The following AGMO variants were observed in gnomAD, a reference collection of about 807,000 sequenced individuals.
AGMO encodes the protein alkylglycerol monooxygenase.
AGMO carries 75 observed loss-of-function variants against 60.2 expected under a neutral mutation model. The ratio of observed to expected loss-of-function variants is 1.25; its 90% CI spans 1.03 to 1.51. The LOEUF (loss-of-function observed/expected upper bound fraction) is 1.51. AGMO is among the 40% of genes most tolerant of loss of function. AGMO has a pLI of 0.00. For missense variants in AGMO, 763 were observed against 525.5 expected, an observed-to-expected ratio of 1.45 and a Z score of -4.42; for synonymous variants, 261 against 177.1, an observed-to-expected ratio of 1.47 and a Z score of -3.76.
rs1268403019 is a variant in AGMO, at chr7:15,200,730, T to A, written c.*555A>T. The A allele has an allele frequency of 9.2e-5, 14 of 152,332 alleles. No homozygotes were observed. The highest frequency in any genetic ancestry group is 8.5e-4 in the Admixed American group (13 of 15,272). 9.4% of individuals were successfully genotyped at this position (152,332 alleles called of 1,614,324 possible). A position where few individuals can be genotyped will look rare whatever the true frequency, so the allele number is the denominator to read the frequency against. On this transcript the variant is annotated 3_prime_UTR_variant, in exon 13 of 13. Coordinates refer to ENST00000342526, the MANE Select transcript of AGMO (RefSeq NM_001004320.2). ...GGATGGTCTCTATCTCTGGACCTCA[T>A]GATCCGCCCACCTCAGCCCCACAAA...
intron 3 of AGMO, among the ~76,000 whole-genome samples, chr7:15,531,675 G>T (rs1784370173): frequency 7.2e-6 from 1 of 138,676 alleles, no homozygotes; most frequent in South Asian, 2.2e-4. Flanking sequence ...TTTTTAGAGG[G>T]AGTCTCACTC....
At chr7:15,517,137 T>C (rs1163801142) in intron 3 of AGMO, among the ~76,000 whole-genome samples, 1 of 152,110 alleles carries the variant, frequency 6.6e-6, no homozygotes, top group Non-Finnish European at 1.5e-5. Context: ...AAAGTGTGTA[T>C]TGTGCATCTA....
chr7:15,151,569 A>G, the AGMO span, among the ~76,000 whole-genome samples: 1 of 152,160 alleles, frequency 6.6e-6, no homozygotes, highest in Non-Finnish European at 1.5e-5. Context: ...TTTATGCAAA[A>G]GTAATTCAGA....
At chr7:15,342,704 G>C (rs1387923085) in intron 12 of AGMO, among the ~76,000 whole-genome samples, 1 of 135,674 alleles carries the variant, frequency 7.4e-6, no homozygotes, top group Non-Finnish European at 1.5e-5. Flanking sequence ...TTTAGAAAAG[G>C]AACTGTCATC....
At chr7:15,471,433 G>C (rs1055462010) in intron 3 of AGMO, among the ~76,000 whole-genome samples, 2 of 151,814 alleles carry the variant, frequency 1.3e-5, no homozygotes, top group African/African-American at 4.8e-5. Flanking sequence ...CTATAAAAAT[G>C]AGATCATTAC....
At position 15,494,039 on chromosome 7, in the gene AGMO, T is replaced by C. The variant is rs78906483; in HGVS notation, c.409+50733A>G. Among the ~76,000 whole-genome samples, 43 of 152,330 alleles carry C rather than the reference T, an allele frequency of 2.8e-4. No homozygotes were observed. The East Asian group carries it at 7.3e-3, about 26-fold the overall frequency. ...CTATTAGTTCTTTTTAAATTTAATG[T>C]ATATTTCTTATTTCCTCCTTGACAC... On this transcript the variant is annotated intron_variant, in intron 3 of 12. Transcript: ENST00000342526.
chr7:15,302,639 AGGT>A (rs1780478852), intron 12 of AGMO, among the ~76,000 whole-genome samples: 1 of 152,180 alleles, frequency 6.6e-6, no homozygotes, highest in Non-Finnish European at 1.5e-5. Context: ...GTTACAAAGC[AGGT>A]ATTTATTTTC....
intron 12 of AGMO, among the ~76,000 whole-genome samples, chr7:15,219,979 T>G (rs1781867479): frequency 6.6e-6 from 1 of 152,088 alleles, no homozygotes; most frequent in Non-Finnish European, 1.5e-5. Context: ...TCATACTCAC[T>G]TCCTCTAATT....
At chr7:15,330,109 TAA>T (rs922488964) in intron 12 of AGMO, among the ~76,000 whole-genome samples, 1 of 152,188 alleles carries the variant, frequency 6.6e-6, no homozygotes, top group Admixed American at 6.6e-5. Context: ...AATGATTTCT[TAA>T]AAGTTTTTGA....
Position 15,354,425 on chromosome 7 carries a change from C to T in AGMO, c.1263+11089G>A, listed in dbSNP as rs1250556597. On this transcript the variant is annotated intron_variant, in intron 12 of 12. Coordinates refer to ENST00000342526, the MANE Select transcript of AGMO (RefSeq NM_001004320.2). ...GTGTGTACACACGTGTGTGTATACA[C>T]ACACGTGTGTGTATACACACGTGTG... is the stretch of plus-strand genomic sequence containing the variant. 7.2e-3 allele frequency among the ~76,000 whole-genome samples: 166 copies of T among 23,168 alleles called. 16 individuals carry two copies. Among genetic ancestry groups the T allele is most frequent in the African/African-American group, 0.058 (155 of 2,688 alleles). 15.2% of individuals were successfully genotyped at this position (23,168 alleles called of 152,430 possible). A position where few individuals can be genotyped will look rare whatever the true frequency, so the allele number is the denominator to read the frequency against.
intron 12 of AGMO, among the ~76,000 whole-genome samples, chr7:15,261,586 G>A (rs1783271816): frequency 6.6e-6 from 1 of 151,794 alleles, no homozygotes; most frequent in Admixed American, 6.6e-5. Flanking sequence ...TCAAATAATT[G>A]GTACCAATCC....
chr7:15,213,032 T>A (rs764581829), intron 12 of AGMO, among the ~76,000 whole-genome samples: 2 of 152,026 alleles, frequency 1.3e-5, no homozygotes, highest in Admixed American at 6.6e-5. Context: ...ATTGAAAATG[T>A]ATCATCGAAG....
At chr7:15,195,596 C>A (rs1303677982), downstream of AGMO, among the ~76,000 whole-genome samples, 3 of 152,202 alleles carry the variant, frequency 2.0e-5, no homozygotes, top group Non-Finnish European at 2.9e-5. Flanking sequence ...GAACATGGAA[C>A]CACCGTTTTG....
chr7:15,561,796 C>G lies in AGMO; in HGVS notation c.50G>C (p.Arg17Pro). 1.2e-6 allele frequency: 2 copies of G among 1,610,170 alleles called. No homozygotes were observed. The highest frequency in any genetic ancestry group is 2.2e-5 in the East Asian group (1 of 44,722). ...QQDVSVSQGF[R>P]MLFYTMKPSE... ...GGGTTTCATCGTGTAAAACAACATG[C>G]GAAATCCCTGGGAAACTGAAACATC... The change falls in exon 1 of 13, where the codon CGC becomes CCC. Residue 17 changes from arginine to proline, a missense_variant. Coordinates refer to ENST00000342526, the MANE Select transcript of AGMO (RefSeq NM_001004320.2).
chr7:15,423,259 C>T (rs1780972305), intron 4 of AGMO, among the ~76,000 whole-genome samples: 1 of 152,106 alleles, frequency 6.6e-6, no homozygotes, highest in Non-Finnish European at 1.5e-5. Context: ...GTGCCACATT[C>T]CTTAAGTCTA....
chr7:15,488,648 C>T (rs1372654972), intron 3 of AGMO, among the ~76,000 whole-genome samples: 3 of 152,058 alleles, frequency 2.0e-5, no homozygotes, highest in Admixed American at 2.0e-4. Context: ...CGACAAAGTA[C>T]TTAATAGTGC....
At chr7:15,132,648 T>A in the AGMO span, among the ~76,000 whole-genome samples, 1 of 152,130 alleles carries the variant, frequency 6.6e-6, no homozygotes, top group East Asian at 1.9e-4. Flanking sequence ...ACTTGTGACA[T>A]CAATTTAAAA....
In AGMO at chr7:15,387,837, G is replaced by A. The variant is rs910301026; in HGVS notation, c.823-297C>T. The stretch of plus-strand genomic sequence containing the variant: ...AAAGTAGGAAAAAAATGAGTTAAGA[G>A]GCTTTGCTTCCAATGGAATTAACTA... On this transcript the variant is annotated intron_variant, in intron 8 of 12. Coordinates refer to ENST00000342526, the MANE Select transcript of AGMO (RefSeq NM_001004320.2). 2.6e-5 allele frequency among the ~76,000 whole-genome samples: 4 copies of A among 151,884 alleles called. No individual in the cohort carries two copies. The South Asian group carries it at 8.3e-4, about 32-fold the overall frequency.
At chr7:15,344,116 T>G (rs1781951263) in intron 12 of AGMO, among the ~76,000 whole-genome samples, 1 of 152,198 alleles carries the variant, frequency 6.6e-6, no homozygotes, top group Non-Finnish European at 1.5e-5. Flanking sequence ...ATTTCTTGAT[T>G]ACTCATTTAG....
Sources: allele counts gnomAD v4.1 joint callset (sites outside exome capture counted in the v4.1 genomes callset), GRCh38; gene constraint gnomAD v4.1.1; transcripts MANE v1.5; gene names NCBI Gene and HGNC (gene_info 2026-07-23, HGNC 2026-07-21).